The following DRC9 variants were observed in gnomAD, a reference collection of about 807,000 sequenced individuals.
DRC9 encodes dynein regulatory complex subunit 9.
chr3:197,927,115 CAA>C, the DRC9 span, among the ~76,000 whole-genome samples: 2 of 152,118 alleles, frequency 1.3e-5, no homozygotes, highest in Non-Finnish European at 2.9e-5. Context: ...AGGTTTAAAA[CAA>C]ACAAAAAATA....
At chr3:197,900,734 G>T in the DRC9 span, among the ~76,000 whole-genome samples, 6 of 152,120 alleles carry the variant, frequency 3.9e-5, no homozygotes, top group Non-Finnish European at 1.5e-5. This position sits in a 1 kb window ranked among gnomAD's most constrained non-coding sequence, Gnocchi z 4.7. Flanking sequence ...AGGGCACTGG[G>T]CAGAGGATAC....
chr3:197,934,546 A>C, the DRC9 span, among the ~76,000 whole-genome samples: 1 of 152,178 alleles, frequency 6.6e-6, no homozygotes, highest in African/African-American at 2.4e-5. Context: ...TTTTGAGATG[A>C]GTAAACCAGG....
chr3:197,941,185 C>A, the DRC9 span, among the ~76,000 whole-genome samples: 6 of 141,200 alleles, frequency 4.2e-5, no homozygotes, highest in African/African-American at 1.6e-4. Flanking sequence ...TCTCTCTCCC[C>A]TCTCTCCTCT....
chr3:197,913,553 A>G, the DRC9 span: 1 of 471,910 alleles, frequency 2.1e-6, no homozygotes, highest in South Asian at 2.3e-5. Flanking sequence ...TCCTGCCATA[A>G]CTAAGCACCT....
chr3:197,905,301 C>A, the DRC9 span, among the ~76,000 whole-genome samples: 1 of 152,122 alleles, frequency 6.6e-6, no homozygotes, highest in African/African-American at 2.4e-5. Context: ...TGATGTGACT[C>A]CCACGTGTCA....
At chr3:197,899,804 G>A in the DRC9 span, among the ~76,000 whole-genome samples, 2 of 152,104 alleles carry the variant, frequency 1.3e-5, no homozygotes, top group South Asian at 4.2e-4. Flanking sequence ...ACCTTCATAA[G>A]AACCAAAAAT....
the DRC9 span, chr3:197,954,250 A>C: frequency 8.4e-7 from 1 of 1,192,622 alleles, no homozygotes; most frequent in Admixed American, 1.9e-5. Context: ...AATTGACACC[A>C]GTAAATTATG....
At chr3:197,923,358 T>G in the DRC9 span, among the ~76,000 whole-genome samples, 59 of 152,246 alleles carry the variant, frequency 3.9e-4, 1 homozygote, top group Admixed American at 3.9e-3. Flanking sequence ...TTGCCCAAGC[T>G]GGTCTTAAAC....
the DRC9 span, among the ~76,000 whole-genome samples, chr3:197,900,695 A>G: frequency 1.8e-4 from 27 of 151,970 alleles, no homozygotes; most frequent in Non-Finnish European, 3.2e-4. The surrounding 1 kb of genome is among the most constrained non-coding windows in gnomAD (Gnocchi z 4.7). Context: ...GGCTCTGGGC[A>G]GAGGATACCA....
the DRC9 span, chr3:197,951,120 G>C: frequency 6.2e-7 from 1 of 1,613,692 alleles, no homozygotes; most frequent in Non-Finnish European, 8.5e-7. Context: ...TTGGTTTTTT[G>C]AAGCTTATGT....
At chr3:197,904,089 T>TAC in the DRC9 span, among the ~76,000 whole-genome samples, 581 of 24,836 alleles carry the variant, frequency 0.023, 7 homozygotes, top group Non-Finnish European at 0.039. Flanking sequence ...TATACATACA[T>TAC]ATATATATAT....
chr3:197,905,583 T>TAA, the DRC9 span, among the ~76,000 whole-genome samples: 2 of 151,132 alleles, frequency 1.3e-5, 1 homozygote, highest in South Asian at 4.2e-4. Flanking sequence ...CTGTCTCCAC[T>TAA]AAAAAAAATA....
At chr3:197,898,032 C>T in the DRC9 span, among the ~76,000 whole-genome samples, 2 of 151,734 alleles carry the variant, frequency 1.3e-5, no homozygotes, top group East Asian at 3.9e-4. Context: ...CCACCTGCCT[C>T]GGCCTCCCAA....
the DRC9 span, chr3:197,932,333 A>G: frequency 1.9e-6 from 3 of 1,593,132 alleles, no homozygotes; most frequent in Non-Finnish European, 2.6e-6. Flanking sequence ...ACAAAAAATG[A>G]GTTAATAAAT....
the DRC9 span, among the ~76,000 whole-genome samples, chr3:197,897,770 C>CTT: frequency 4.2e-3 from 528 of 126,326 alleles, 8 homozygotes; most frequent in African/African-American, 5.1e-3. Flanking sequence ...AAGCATAAAC[C>CTT]TTTTTTTTTT....
the DRC9 span, chr3:197,913,750 CAAGTG>C: frequency 1.0e-6 from 1 of 964,582 alleles, no homozygotes; most frequent in Non-Finnish European, 1.7e-6. Flanking sequence ...TTTTCAACCT[CAAGTG>C]GAGGGGCTGT....
At chr3:197,939,622 A>G in the DRC9 span, among the ~76,000 whole-genome samples, 1 of 152,190 alleles carries the variant, frequency 6.6e-6, no homozygotes, top group Non-Finnish European at 1.5e-5. Flanking sequence ...AACTCTATTG[A>G]CCTTGGGCAA....
the DRC9 span, among the ~76,000 whole-genome samples, chr3:197,937,980 AAAAG>A: frequency 1.3e-5 from 2 of 152,118 alleles, no homozygotes; most frequent in Non-Finnish European, 2.9e-5. Flanking sequence ...GAAAAAAAGA[AAAAG>A]AAAAAAATTT....
chr3:197,905,786 C>G, the DRC9 span, among the ~76,000 whole-genome samples: 1 of 151,742 alleles, frequency 6.6e-6, no homozygotes, highest in Non-Finnish European at 1.5e-5. Context: ...AAGGTTTATC[C>G]CAAGAATTTG....
Sources: allele counts gnomAD v4.1 joint callset (sites outside exome capture counted in the v4.1 genomes callset), GRCh38; gene constraint gnomAD v4.1.1; non-coding constraint Gnocchi (gnomAD v3.1); transcripts MANE v1.5; gene names NCBI Gene and HGNC (gene_info 2026-07-23, HGNC 2026-07-21).